CACNA2D3: variants seen among roughly 807,000 people sequenced by gnomAD.
CACNA2D3 encodes the protein voltage-dependent calcium channel subunit alpha-2/delta-3.
CACNA2D3 carries 60 observed loss-of-function variants against 160.6 expected under a neutral mutation model. The ratio of observed to expected loss-of-function variants is 0.37; its 90% CI spans 0.30 to 0.46. The LOEUF (loss-of-function observed/expected upper bound fraction) is 0.46, where lower values mean the gene tolerates loss of function less well. Ranked by LOEUF, CACNA2D3 falls within the 20% of genes least tolerant of loss-of-function variation. CACNA2D3 has a pLI of 1.00. For missense variants in CACNA2D3, 1,205 were observed against 1,365.0 expected (o/e 0.88, Z 1.85); for synonymous variants, 558 against 492.9 (o/e 1.13, Z -1.75).
At chr3:54,393,662 G>A (rs1459940331) in intron 4 of CACNA2D3, among the ~76,000 whole-genome samples, 1 of 152,220 alleles carries the variant, frequency 6.6e-6, no homozygotes, top group South Asian at 2.1e-4. Context: ...GAGCAGTAAG[G>A]CTTCCTGTGC....
rs869041749 is a variant in CACNA2D3, at chr3:54,439,333, T to TGTGTGTGTGTGTG, written c.381+52559_381+52560insGTGTGTGTGTGTG. Among the ~76,000 whole-genome samples, 1,460 of 147,944 alleles carry TGTGTGTGTGTGTG rather than the reference T, an allele frequency of 9.9e-3. 12 individuals are homozygous for TGTGTGTGTGTGTG. Among genetic ancestry groups the TGTGTGTGTGTGTG allele is most frequent in the Non-Finnish European group, 0.015 (1,034 of 67,134 alleles). On this transcript the variant is annotated intron_variant, in intron 4 of 37. Coordinates refer to ENST00000474759, the MANE Select transcript of CACNA2D3 (RefSeq NM_018398.3). ...GGTGTGTGTGTGTGTGTGTGTGTGT[T>TGTGTGTGTGTGTG]TGTGTGTGAAGATAGAGAATTAGCT... is the stretch of plus-strand genomic sequence containing the variant.
intron 2 of CACNA2D3, among the ~76,000 whole-genome samples, chr3:54,145,114 C>T (rs935077372): frequency 1.3e-5 from 2 of 152,214 alleles, no homozygotes; most frequent in Non-Finnish European, 2.9e-5. Context: ...AGACCAAGAT[C>T]TAAGTGTTGG....
chr3:54,529,207 CT>C (rs202033111), intron 5 of CACNA2D3, among the ~76,000 whole-genome samples: 119 of 151,836 alleles, frequency 7.8e-4, no homozygotes, highest in African/African-American at 2.7e-3. Context: ...TCCTTCTACA[CT>C]TTTTTTTTGT....
At chr3:54,250,087 G>C (rs1238803807) in intron 2 of CACNA2D3, among the ~76,000 whole-genome samples, 1 of 152,118 alleles carries the variant, frequency 6.6e-6, no homozygotes, top group African/African-American at 2.4e-5. Flanking sequence ...TGATCAACTA[G>C]CCCATTTAGT....
intron 13 of CACNA2D3, among the ~76,000 whole-genome samples, chr3:54,802,648 A>G (rs968938938): frequency 1.3e-5 from 2 of 152,186 alleles, no homozygotes; most frequent in Non-Finnish European, 2.9e-5. Context: ...AAACAAAAAG[A>G]CAGCAGTAAC....
At chr3:54,335,207 G>A (rs910352135) in intron 3 of CACNA2D3, among the ~76,000 whole-genome samples, 6 of 152,184 alleles carry the variant, frequency 3.9e-5, no homozygotes, top group Non-Finnish European at 7.3e-5. Context: ...TGCAGGACAG[G>A]GGTCCCAATC....
intron 27 of CACNA2D3, among the ~76,000 whole-genome samples, chr3:54,926,524 AC>A (rs1701025195): frequency 1.3e-5 from 2 of 149,224 alleles, no homozygotes; most frequent in Non-Finnish European, 3.0e-5. Context: ...ACACACACAC[AC>A]ACACACACAC....
chr3:54,260,525 T>G (rs1470650349), intron 2 of CACNA2D3, among the ~76,000 whole-genome samples: 2 of 152,160 alleles, frequency 1.3e-5, no homozygotes, highest in Non-Finnish European at 2.9e-5. Context: ...AGGTCCCGTC[T>G]TGATGACCTT....
At chr3:54,867,749 TC>T (rs1699436046) in intron 17 of CACNA2D3, among the ~76,000 whole-genome samples, 1 of 152,138 alleles carries the variant, frequency 6.6e-6, no homozygotes, top group South Asian at 2.1e-4. Flanking sequence ...TATTCCAAGC[TC>T]CCATCCTGGC....
intron 11 of CACNA2D3, among the ~76,000 whole-genome samples, chr3:54,716,587 G>C (rs558017034): frequency 1.3e-5 from 2 of 152,250 alleles, no homozygotes; most frequent in African/African-American, 4.8e-5. Flanking sequence ...TGGGTGGGTG[G>C]GGGAGGATTT....
intron 24 of CACNA2D3, 28 bp downstream of exon 24, chr3:54,888,080 A>G (rs745366291): frequency 2.0e-6 from 3 of 1,518,318 alleles, no homozygotes; most frequent in Non-Finnish European, 1.8e-6. Flanking sequence ...TCCTCGTTTC[A>G]TGGCCATTTC....
At chr3:54,157,083 G>A (rs1700257630) in intron 2 of CACNA2D3, among the ~76,000 whole-genome samples, 1 of 152,210 alleles carries the variant, frequency 6.6e-6, no homozygotes, top group African/African-American at 2.4e-5. Context: ...CAAGGTCAAG[G>A]TGTCCTCAGG....
At chr3:54,563,020 T>A in intron 6 of CACNA2D3, 89 bp downstream of exon 6, 1 of 1,253,056 alleles carries the variant, frequency 8.0e-7, no homozygotes, top group East Asian at 2.6e-5. Flanking sequence ...TTAAAACTTT[T>A]CTGCCTTTTC....
At chr3:55,051,237 A>G (rs899594869) in intron 35 of CACNA2D3, among the ~76,000 whole-genome samples, 1 of 151,896 alleles carries the variant, frequency 6.6e-6, no homozygotes, top group African/African-American at 2.4e-5. Flanking sequence ...TTGTGGTTTT[A>G]TCTACTTTTG....
intron 2 of CACNA2D3, among the ~76,000 whole-genome samples, chr3:54,244,374 G>A (rs953699773): frequency 6.6e-6 from 1 of 152,180 alleles, no homozygotes; most frequent in South Asian, 2.1e-4. Context: ...GAATGAGACC[G>A]CATATGTGCA....
At chr3:54,350,987 T>TTTTTTTTG (rs1698550231) in intron 3 of CACNA2D3, among the ~76,000 whole-genome samples, 1 of 28,784 alleles carries the variant, frequency 3.5e-5, no homozygotes, top group Non-Finnish European at 6.7e-5. Context: ...TTTTTGTTTG[T>TTTTTTTTG]TTTTTTTTTT....
chr3:54,233,147 T>C (rs930560700), intron 2 of CACNA2D3, among the ~76,000 whole-genome samples: 3 of 152,132 alleles, frequency 2.0e-5, no homozygotes, highest in African/African-American at 7.2e-5. Context: ...TTCACTCCAC[T>C]TTTCTTCTTA....
intron 35 of CACNA2D3, among the ~76,000 whole-genome samples, chr3:55,063,019 G>T (rs1704550786): frequency 6.6e-6 from 1 of 152,164 alleles, no homozygotes; most frequent in South Asian, 2.1e-4. Flanking sequence ...ATTTTATATG[G>T]GTGATACAGG....
At chr3:54,844,204 A>T (rs1486153641) in intron 16 of CACNA2D3, among the ~76,000 whole-genome samples, 1 of 152,136 alleles carries the variant, frequency 6.6e-6, no homozygotes, top group African/African-American at 2.4e-5. Flanking sequence ...AACTGAGGGA[A>T]TAGTGTCGAG....
Sources: allele counts gnomAD v4.1 joint callset (sites outside exome capture counted in the v4.1 genomes callset), GRCh38; gene constraint gnomAD v4.1.1; transcripts MANE v1.5; gene names NCBI Gene and HGNC (gene_info 2026-07-23, HGNC 2026-07-21).